SLU7: variants seen among roughly 807,000 people sequenced by gnomAD.
SLU7 encodes pre-mRNA-splicing factor SLU7.
Under a neutral mutation model 87.0 loss-of-function variants are expected in SLU7, and 60 were observed. The observed-to-expected ratio is 0.69, with a 90% confidence interval of 0.56 to 0.86. The LOEUF (loss-of-function observed/expected upper bound fraction) is 0.86. Among genes scored for constraint, SLU7 ranks in the 40% least tolerant of loss-of-function variants. SLU7 has a pLI of 0.00. For missense variants in SLU7, 507 were observed against 686.6 expected (o/e 0.74, Z 2.92); for synonymous variants, 197 against 222.0 (o/e 0.89, Z 1.00).
intron 11 of SLU7, 127 bp from the exon 12 acceptor site, chr5:160,406,756 C>A: frequency 1.3e-6 from 1 of 782,626 alleles, no homozygotes; most frequent in Non-Finnish European, 1.9e-6. Flanking sequence ...ATAGAAAGCA[C>A]AGTAGGAAAA....
Position 160,407,877 on chromosome 5 carries a change from G to A in SLU7, c.918-64C>T. On this transcript the variant is annotated intron_variant, in intron 9 of 15. Coordinates refer to ENST00000297151, the MANE Select transcript of SLU7 (RefSeq NM_006425.5). The surrounding 1 kb of genome is among the most constrained non-coding windows in gnomAD (Gnocchi z 4.2). Reference sequence around the variant, plus strand: ...TTAAGGAAAATTAATTCGTAAAACTGAATCTGAATTAAAATGAACACCATC... The same window carrying A: ...TTAAGGAAAATTAATTCGTAAAACTAAATCTGAATTAAAATGAACACCATC... 6.7e-7 allele frequency: 1 copy of A among 1,490,720 alleles called. No individual in the cohort carries two copies. Among genetic ancestry groups the A allele is most frequent in the Non-Finnish European group, 9.3e-7 (1 of 1,070,240 alleles). 92.3% of individuals were successfully genotyped at this position (1,490,720 alleles called of 1,614,324 possible). A position where few individuals can be genotyped will look rare whatever the true frequency, so the allele number is the denominator to read the frequency against.
intron 6 of SLU7, among the ~76,000 whole-genome samples, chr5:160,411,507 T>A (rs1011404405): frequency 6.6e-6 from 1 of 152,172 alleles, no homozygotes; most frequent in East Asian, 1.9e-4. Flanking sequence ...GTGTGAGCCA[T>A]TGTGCTCGGC....
intron 1 of SLU7, 82 bp from the exon 2 acceptor site, chr5:160,415,392 T>C: frequency 9.8e-7 from 1 of 1,023,128 alleles, no homozygotes; most frequent in East Asian, 2.6e-5. Flanking sequence ...CCTAATAATA[T>C]ATACTGTTTC....
chr5:160,406,715 A>G (rs1469827348), intron 11 of SLU7, 86 bp from the exon 12 acceptor site: 3 of 1,115,416 alleles, frequency 2.7e-6, no homozygotes, highest in Non-Finnish European at 3.8e-6. Flanking sequence ...CTAATCAGAA[A>G]GAAAGGGAAC....
intron 6 of SLU7, 49 bp from the exon 7 acceptor site, chr5:160,408,746 C>T (rs1765110843): frequency 1.2e-6 from 1 of 806,754 alleles, no homozygotes; most frequent in Non-Finnish European, 1.9e-6. Flanking sequence ...TCCACTTAAT[C>T]CAATTAACTT....
intron 1 of SLU7, among the ~76,000 whole-genome samples, chr5:160,415,995 C>G (rs769587916): frequency 3.9e-5 from 6 of 152,076 alleles, no homozygotes; most frequent in Admixed American, 1.3e-4. Flanking sequence ...CAGGTTCAAG[C>G]GATTCTCCTG....
chr5:160,415,423 T>A (rs146409324), intron 1 of SLU7, 113 bp from the exon 2 acceptor site: 2 of 734,478 alleles, frequency 2.7e-6, no homozygotes, highest in Non-Finnish European at 4.0e-6. Context: ...TTTTCTCCTA[T>A]ATTATGTGTA....
intron 7 of SLU7, 66 bp from the exon 8 acceptor site, chr5:160,408,526 C>A: frequency 6.5e-7 from 1 of 1,528,808 alleles, no homozygotes; most frequent in East Asian, 2.3e-5. Flanking sequence ...TTTTTTTCCC[C>A]TTTCCCTTTA....
At chr5:160,406,209 C>T (rs1160385297) in intron 12 of SLU7, 1 of 281,320 alleles carries the variant, frequency 3.6e-6, no homozygotes, top group Admixed American at 5.0e-5. Context: ...TAAAACTGTG[C>T]ATATGCACAC....
intron 6 of SLU7, among the ~76,000 whole-genome samples, chr5:160,409,135 C>T (rs772847539): frequency 8.6e-5 from 13 of 151,862 alleles, no homozygotes; most frequent in Non-Finnish European, 1.9e-4. Context: ...AGTCTTCAGA[C>T]ATACTGTATT....
At chr5:160,409,942 G>A (rs1765164007) in intron 6 of SLU7, among the ~76,000 whole-genome samples, 1 of 152,140 alleles carries the variant, frequency 6.6e-6, no homozygotes, top group South Asian at 2.1e-4. Context: ...TAGAAACAGG[G>A]GTGGAGAGAC....
intron 5 of SLU7, among the ~76,000 whole-genome samples, chr5:160,412,898 A>T (rs1336291888): frequency 6.6e-6 from 1 of 152,056 alleles, no homozygotes; most frequent in Non-Finnish European, 1.5e-5. Flanking sequence ...GATGAAATCC[A>T]GATTTTTATA....
In SLU7 at chr5:160,405,120, A is replaced by G; in HGVS notation, c.1303T>C (p.Tyr435His). 2 of 1,612,710 alleles carry G rather than the reference A, an allele frequency of 1.2e-6. No homozygotes were observed. The highest frequency in any genetic ancestry group is 1.7e-6 in the Non-Finnish European group (2 of 1,178,786). The change falls in exon 13 of 16, where the codon TAC (tyrosine) becomes CAC (histidine). Residue 435 changes from tyrosine to histidine, a missense_variant. Physicochemically the swap from Tyr to His is moderately conservative, Grantham distance 83. Transcript: ENST00000297151. ...IHNHTHIWGSYWKEGRWGYKC... is the reference protein window; with the variant it reads ...IHNHTHIWGSHWKEGRWGYKC... ...TATCCCCATCGGCCTTCTTTCCAGT[A>G]CGATCCCCAGATATGCTGCAGAGAG... is the stretch of plus-strand genomic sequence containing the variant.
chr5:160,414,469 G>T lies in SLU7; in HGVS notation c.174C>A (p.Asp58Glu). The T allele has an allele frequency of 6.6e-7, 1 of 1,526,290 alleles. No individual in the cohort carries two copies. The highest frequency in any genetic ancestry group is 8.8e-7 in the Non-Finnish European group (1 of 1,136,818). The allele number at this position is 1,526,290 out of a possible 1,614,324, so 94.5% of individuals were successfully genotyped here. A position where few individuals can be genotyped will look rare whatever the true frequency, so the allele number is the denominator to read the frequency against. Residue 58 changes from aspartate (D) to glutamate (E), a missense_variant, in exon 3 of 16, where the codon GAC (aspartate) becomes GAA (glutamate). By Grantham distance (45) the Asp-to-Glu change is conservative. Transcript: ENST00000297151. ...APAEVDEEGK[D>E]INPHIPQYIS... The stretch of plus-strand genomic sequence containing the variant: ...TATACTGAGGAATATGGGGGTTGAT[G>T]TCTCTGTAATTAAAGTAAAAAAAAA...
At chr5:160,412,753 A>G (rs980652710) in intron 5 of SLU7, among the ~76,000 whole-genome samples, 2 of 152,100 alleles carry the variant, frequency 1.3e-5, no homozygotes, top group Non-Finnish European at 2.9e-5. Flanking sequence ...ATTAATGTAA[A>G]CTGAGCCAAA....
chr5:160,404,015 T>G (rs1365084703), intron 15 of SLU7, among the ~76,000 whole-genome samples: 1 of 152,208 alleles, frequency 6.6e-6, no homozygotes, highest in Non-Finnish European at 1.5e-5. Flanking sequence ...TTCATCATTG[T>G]AAAAATGCAT....
At chr5:160,417,836 C>T (rs1466100493) in intron 1 of SLU7, among the ~76,000 whole-genome samples, 2 of 150,332 alleles carry the variant, frequency 1.3e-5, no homozygotes, top group African/African-American at 4.9e-5. Context: ...TTTTATCATT[C>T]GTACTCTAAA....
intron 6 of SLU7, 143 bp downstream of exon 6, chr5:160,412,308 T>C: frequency 1.7e-6 from 1 of 599,866 alleles, no homozygotes; most frequent in Non-Finnish European, 2.9e-6. Context: ...CTATGAACTG[T>C]ATACAAAGTA....
At chr5:160,412,565 T>G (rs760615430) in intron 5 of SLU7, 46 bp from the exon 6 acceptor site, 3 of 1,170,564 alleles carry the variant, frequency 2.6e-6, no homozygotes, top group Non-Finnish European at 3.5e-6. Flanking sequence ...AGTAAACATT[T>G]AAATTTTACT....
Sources: gnomAD v4.1 joint callset for allele counts (sites outside exome capture counted in the v4.1 genomes callset) on GRCh38, gnomAD v4.1.1 for gene constraint, Gnocchi (gnomAD v3.1) non-coding constraint, MANE v1.5 for transcripts, NCBI Gene and HGNC (gene_info 2026-07-23, HGNC 2026-07-21) for gene names.